Variants in ASIC2 observed in about 807,000 individuals in gnomAD.
ASIC2 encodes the protein acid sensing ion channel subunit 2.
In ASIC2, 25 loss-of-function variants were observed where a neutral mutation model predicts 57.3. That is an observed-to-expected ratio of 0.44 (90% CI 0.32 to 0.61). The LOEUF (loss-of-function observed/expected upper bound fraction) is 0.61, where lower values mean the gene tolerates loss of function less well. Among genes scored for constraint, ASIC2 ranks in the 20% least tolerant of loss-of-function variants. ASIC2 has a pLI of 0.06. For missense variants in ASIC2, 641 were observed against 738.1 expected (o/e 0.87, Z 1.52); for synonymous variants, 319 against 307.5 (o/e 1.04, Z -0.39).
intron 1 of ASIC2, among the ~76,000 whole-genome samples, chr17:33,699,384 C>T (rs1908627711): frequency 6.6e-6 from 1 of 152,168 alleles, no homozygotes; most frequent in Non-Finnish European, 1.5e-5. Flanking sequence ...TACTAACTGT[C>T]ACGGGATGCC....
At chr17:33,910,924 A>G (rs1915448541) in intron 1 of ASIC2, among the ~76,000 whole-genome samples, 2 of 152,218 alleles carry the variant, frequency 1.3e-5, no homozygotes, top group Non-Finnish European at 2.9e-5. Flanking sequence ...AACCGTGTGC[A>G]GAAACATGTC....
intron 1 of ASIC2, among the ~76,000 whole-genome samples, chr17:33,272,296 C>G (rs1904525831): frequency 6.6e-6 from 1 of 152,198 alleles, no homozygotes; most frequent in African/African-American, 2.4e-5. Context: ...CCATCCCATT[C>G]CATCCCATTG....
At chr17:34,122,730 C>T (rs957479488) in intron 1 of ASIC2, among the ~76,000 whole-genome samples, 1 of 152,210 alleles carries the variant, frequency 6.6e-6, no homozygotes, top group African/African-American at 2.4e-5. Context: ...CACCCTCCCC[C>T]ACTCACACCC....
chr17:33,403,507 GAA>G (rs1375698227), intron 1 of ASIC2, among the ~76,000 whole-genome samples: 2 of 152,116 alleles, frequency 1.3e-5, no homozygotes, highest in African/African-American at 2.4e-5. Context: ...TACTTGCACA[GAA>G]AAAATGTTTT....
intron 1 of ASIC2, among the ~76,000 whole-genome samples, chr17:33,735,555 T>C (rs548549740): frequency 3.9e-4 from 59 of 152,132 alleles, no homozygotes; most frequent in African/African-American, 1.4e-3. Flanking sequence ...ATAGTGTGGG[T>C]GGAGGGTTGG....
intron 1 of ASIC2, among the ~76,000 whole-genome samples, chr17:33,587,025 C>T (rs1904661850): frequency 6.6e-6 from 1 of 152,130 alleles, no homozygotes; most frequent in African/African-American, 2.4e-5. Flanking sequence ...TGACTTAAAC[C>T]AAAAGTTCAC....
At chr17:33,578,729 G>A (rs1916732775) in intron 1 of ASIC2, among the ~76,000 whole-genome samples, 1 of 152,160 alleles carries the variant, frequency 6.6e-6, no homozygotes, top group African/African-American at 2.4e-5. Flanking sequence ...CTTGACAGAG[G>A]GGGCACTAAT....
chr17:33,732,580 G>A lies in ASIC2; in HGVS notation c.555+423398C>T, dbSNP rs181822785. ...GTGGTGCGATCCTGGCTAACTGCAA[G>A]CTCCGCCCCCGGATTCATGCCATTC... is the stretch of plus-strand genomic sequence containing the variant. On this transcript the variant is annotated intron_variant, in intron 1 of 9. Coordinates refer to the ASIC2 transcript ENST00000359872. Among the ~76,000 whole-genome samples the A allele has an allele frequency of 2.0e-5, 3 of 149,032 alleles. No individual in the cohort carries two copies. The East Asian group carries it at 5.9e-4, about 29-fold the overall frequency.
At chr17:33,723,268 C>T (rs1310394232) in intron 1 of ASIC2, among the ~76,000 whole-genome samples, 1 of 152,150 alleles carries the variant, frequency 6.6e-6, no homozygotes, top group East Asian at 1.9e-4. Context: ...AGAATCCAAA[C>T]ACATGGATGA....
intron 1 of ASIC2, among the ~76,000 whole-genome samples, chr17:33,580,573 C>T (rs1401903504): frequency 6.6e-6 from 1 of 152,100 alleles, no homozygotes; most frequent in Non-Finnish European, 1.5e-5. Context: ...GCTGAGGGTC[C>T]TAATGGCTCC....
At chr17:33,025,801 C>T (rs2091856667) in intron 5 of ASIC2, 125 bp downstream of exon 5, 27 of 918,464 alleles carry the variant, frequency 2.9e-5, no homozygotes, top group Non-Finnish European at 3.9e-5. Flanking sequence ...CCCGACCAGC[C>T]CCTTTCTTCT....
At chr17:33,237,889 T>C (rs1026692446) in intron 1 of ASIC2, among the ~76,000 whole-genome samples, 10 of 152,180 alleles carry the variant, frequency 6.6e-5, no homozygotes, top group Admixed American at 1.3e-4. Context: ...TCTTGCTCCA[T>C]CTCTCACTAA....
chr17:33,888,306 A>G (rs1442267931), intron 1 of ASIC2, among the ~76,000 whole-genome samples: 1 of 152,114 alleles, frequency 6.6e-6, no homozygotes, highest in Non-Finnish European at 1.5e-5. Context: ...AGTGGGAACA[A>G]AGGCCCAGCA....
chr17:33,111,290 C>T (rs1259845209), intron 2 of ASIC2, among the ~76,000 whole-genome samples: 1 of 152,186 alleles, frequency 6.6e-6, no homozygotes. Flanking sequence ...ATCTTTTTCA[C>T]CATAATGTCC....
chr17:33,750,660 T>A (rs904797344), intron 1 of ASIC2, among the ~76,000 whole-genome samples: 1 of 152,190 alleles, frequency 6.6e-6, no homozygotes, highest in Non-Finnish European at 1.5e-5. Flanking sequence ...GAGTTTGTTT[T>A]TCTGTTTATA....
chr17:33,906,035 G>A (rs1410225796), intron 1 of ASIC2, among the ~76,000 whole-genome samples: 1 of 130,450 alleles, frequency 7.7e-6, no homozygotes, highest in East Asian at 2.1e-4. Context: ...TTTTTGTAGA[G>A]ACAAGTTCTC....
chr17:33,738,877 C>T (rs934590763), intron 1 of ASIC2, among the ~76,000 whole-genome samples: 4 of 152,228 alleles, frequency 2.6e-5, no homozygotes, highest in Admixed American at 6.5e-5. Context: ...GTGAACATCT[C>T]CATTTCCTTG....
chr17:33,841,704 C>T (rs1913443588), intron 1 of ASIC2, among the ~76,000 whole-genome samples: 1 of 152,184 alleles, frequency 6.6e-6, no homozygotes, highest in Non-Finnish European at 1.5e-5. Context: ...AGGGAGGCAT[C>T]AGTCAGTCTG....
intron 1 of ASIC2, among the ~76,000 whole-genome samples, chr17:33,729,861 G>C (rs926358359): frequency 6.6e-5 from 10 of 152,126 alleles, no homozygotes; most frequent in African/African-American, 2.4e-4. Flanking sequence ...ATGAAGTTAA[G>C]AAGTTAACCC....
Sources: gnomAD v4.1 joint callset for allele counts (sites outside exome capture counted in the v4.1 genomes callset) on GRCh38, gnomAD v4.1.1 for gene constraint, MANE v1.5 for transcripts, NCBI Gene and HGNC (gene_info 2026-07-23, HGNC 2026-07-21) for gene names.